The following RBFOX3 variants were observed in gnomAD, a reference collection of about 807,000 sequenced individuals.
RBFOX3 encodes the protein RNA binding protein fox-1 homolog 3.
In RBFOX3, 17 loss-of-function variants were observed where a neutral mutation model predicts 48.7. The observed-to-expected ratio is 0.35, with a 90% CI of 0.24 to 0.52. The LOEUF (loss-of-function observed/expected upper bound fraction) is 0.52, where lower values mean the gene tolerates loss of function less well. Ranked by LOEUF, RBFOX3 falls within the 20% of genes least tolerant of loss-of-function variation. The pLI, the probability that RBFOX3 is intolerant of heterozygous loss-of-function variation, is 0.94. For missense variants in RBFOX3, 382 were observed against 497.5 expected (o/e 0.77, Z 2.21); for synonymous variants, 212 against 209.5 (o/e 1.01, Z -0.10).
chr17:79,560,324 G>A (rs1321940118), intron 1 of RBFOX3, among the ~76,000 whole-genome samples: 2 of 152,116 alleles, frequency 1.3e-5, no homozygotes, highest in Non-Finnish European at 2.9e-5. Flanking sequence ...TTTGCGAACT[G>A]CAGAGCAGAG....
chr17:79,338,307 G>T (rs1048375498), intron 2 of RBFOX3, among the ~76,000 whole-genome samples: 3 of 152,166 alleles, frequency 2.0e-5, no homozygotes, highest in African/African-American at 7.2e-5. Context: ...ATTGTCACCT[G>T]CAATGGTGGG....
At chr17:79,585,046 T>G (rs2093201817) in intron 1 of RBFOX3, among the ~76,000 whole-genome samples, 1 of 151,936 alleles carries the variant, frequency 6.6e-6, no homozygotes, top group Non-Finnish European at 1.5e-5. Context: ...ATTACAGGCG[T>G]GAGCCACGGC....
chr17:79,408,131 G>C (rs1274981225), intron 2 of RBFOX3, among the ~76,000 whole-genome samples: 1 of 152,180 alleles, frequency 6.6e-6, no homozygotes, highest in African/African-American at 2.4e-5. Flanking sequence ...TGAAGTGGGG[G>C]GAGAAGGAGC....
chr17:79,245,099 A>G (rs534387279), intron 3 of RBFOX3, among the ~76,000 whole-genome samples: 4 of 145,552 alleles, frequency 2.7e-5, no homozygotes, highest in Non-Finnish European at 6.0e-5. Context: ...TTTTTGAGAC[A>G]GAGTCTCACT....
At chr17:79,620,243 A>ATG in the RBFOX3 span, among the ~76,000 whole-genome samples, 1 of 150,272 alleles carries the variant, frequency 6.7e-6, no homozygotes, top group East Asian at 2.0e-4. Context: ...GCACATGCAC[A>ATG]CATACGCACA....
chr17:79,444,165 G>C (rs1292500880), intron 2 of RBFOX3, among the ~76,000 whole-genome samples: 1 of 152,160 alleles, frequency 6.6e-6, no homozygotes, highest in Non-Finnish European at 1.5e-5. Context: ...GGGATATGGA[G>C]AGAAAAGAAG....
chr17:79,377,613 C>T (rs1388546177), intron 2 of RBFOX3, among the ~76,000 whole-genome samples: 1 of 152,180 alleles, frequency 6.6e-6, no homozygotes, highest in Non-Finnish European at 1.5e-5. Context: ...CGGTGACAGC[C>T]GGAGCAGGGA....
intron 4 of RBFOX3, among the ~76,000 whole-genome samples, chr17:79,223,865 A>G (rs1324010899): frequency 6.6e-6 from 1 of 152,122 alleles, no homozygotes; most frequent in African/African-American, 2.4e-5. Context: ...AGGAGAGGGG[A>G]TTTAGGAAGG....
chr17:79,378,830 G>C (rs1025488954), intron 2 of RBFOX3, among the ~76,000 whole-genome samples: 3 of 152,246 alleles, frequency 2.0e-5, no homozygotes, highest in Non-Finnish European at 4.4e-5. Context: ...CCCACTGAAA[G>C]GCTGGCAGGG....
At chr17:79,159,792 ACACT>A (rs1386736652) in intron 4 of RBFOX3, among the ~76,000 whole-genome samples, 2 of 152,118 alleles carry the variant, frequency 1.3e-5, no homozygotes, top group Non-Finnish European at 2.9e-5. Context: ...ACTCACACAC[ACACT>A]ACCTCCACAC....
intron 1 of RBFOX3, among the ~76,000 whole-genome samples, chr17:79,564,813 G>A (rs2092392141): frequency 6.6e-6 from 1 of 152,114 alleles, no homozygotes; most frequent in Admixed American, 6.5e-5. Flanking sequence ...AGGCTGAGGT[G>A]GGCAGATCAC....
intron 2 of RBFOX3, among the ~76,000 whole-genome samples, chr17:79,314,771 T>C (rs896365480): frequency 3.9e-5 from 6 of 152,138 alleles, no homozygotes; most frequent in Admixed American, 2.6e-4. Context: ...CACGCTTACA[T>C]GTGTGTATAA....
the RBFOX3 span, among the ~76,000 whole-genome samples, chr17:79,628,905 A>G: frequency 1.3e-5 from 2 of 152,360 alleles, no homozygotes; most frequent in African/African-American, 4.8e-5. Flanking sequence ...CACTGCCCCA[A>G]GCAACACGAG....
At chr17:79,303,890 C>G (rs1336889110) in intron 3 of RBFOX3, among the ~76,000 whole-genome samples, 1 of 146,102 alleles carries the variant, frequency 6.8e-6, no homozygotes, top group Non-Finnish European at 1.5e-5. Flanking sequence ...CATGTGTGTA[C>G]TTGGCCACAC....
At position 79,267,268 on chromosome 17, in the gene RBFOX3, G is replaced by A. The variant is rs928936259; in HGVS notation, c.-73-31463C>T. Among the ~76,000 whole-genome samples the A allele has an allele frequency of 2.6e-5, 4 of 152,136 alleles. No individual in the cohort carries two copies. The East Asian group carries it at 5.8e-4, about 22-fold the overall frequency. ...GGGGAGTCATACTCTTTGGCGGGTC[G>A]CTGAAACTTTAGGGCCTTCAGTGCC... On this transcript the variant is annotated intron_variant, in intron 3 of 14. Coordinates refer to ENST00000693108, the MANE Select transcript of RBFOX3 (RefSeq NM_001350451.2).
chr17:79,458,743 G>A (rs1426156538), intron 2 of RBFOX3, among the ~76,000 whole-genome samples: 1 of 152,118 alleles, frequency 6.6e-6, no homozygotes, highest in African/African-American at 2.4e-5. Flanking sequence ...TGGTGTCCGG[G>A]GACTCTGGGT....
In RBFOX3 at chr17:79,293,116, C is replaced by T. The variant is rs371609923; in HGVS notation, c.-74+14608G>A. Among the ~76,000 whole-genome samples the T allele has an allele frequency of 9.9e-5, 15 of 152,200 alleles. No homozygotes were observed. In the East Asian group the frequency reaches 2.7e-3, roughly 27 times the overall value. On this transcript the variant is annotated intron_variant, in intron 3 of 14. Coordinates refer to ENST00000693108, the MANE Select transcript of RBFOX3 (RefSeq NM_001350451.2). The stretch of plus-strand genomic sequence containing the variant: ...TATATTTCATAGTTTTTCAAAGCCA[C>T]TTAAAAGTATGGCCTCATTTGACCC...
chr17:79,620,395 C>A, the RBFOX3 span, among the ~76,000 whole-genome samples: 4 of 129,090 alleles, frequency 3.1e-5, no homozygotes, highest in Non-Finnish European at 4.9e-5. Flanking sequence ...GCACACATGC[C>A]CACATGCACA....
chr17:79,330,988 T>C (rs919198324), intron 2 of RBFOX3, among the ~76,000 whole-genome samples: 2 of 152,166 alleles, frequency 1.3e-5, no homozygotes, highest in Non-Finnish European at 2.9e-5. Flanking sequence ...GTTTCATGAA[T>C]GTGGGTCCCA....
Sources: gnomAD v4.1 joint callset for allele counts (sites outside exome capture counted in the v4.1 genomes callset) on GRCh38, gnomAD v4.1.1 for gene constraint, MANE v1.5 for transcripts, NCBI Gene and HGNC (gene_info 2026-07-23, HGNC 2026-07-21) for gene names.